Variants in COL25A1 observed in about 807,000 individuals in gnomAD.
The protein encoded by COL25A1 is collagen alpha-1(XXV) chain.
In COL25A1, 103 loss-of-function variants were observed where a neutral mutation model predicts 128.4. The ratio of observed to expected loss-of-function variants is 0.80; its 90% CI spans 0.68 to 0.94. The LOEUF (loss-of-function observed/expected upper bound fraction) is 0.94, where lower values mean the gene tolerates loss of function less well. Ranked by LOEUF, COL25A1 falls within the 40% of genes least tolerant of loss-of-function variation. The pLI is 0.00. For missense variants in COL25A1, 745 were observed against 840.0 expected, an observed-to-expected ratio of 0.89 and a Z score of 1.40; for synonymous variants, 279 against 277.2, an observed-to-expected ratio of 1.01 and a Z score of -0.06.
chr4:108,996,866 C>T (rs547532769), intron 6 of COL25A1, among the ~76,000 whole-genome samples: 47 of 152,332 alleles, frequency 3.1e-4, no homozygotes, highest in African/African-American at 1.1e-3. Context: ...CAACCTGCTC[C>T]TGAATGACTA....
intron 8 of COL25A1, among the ~76,000 whole-genome samples, chr4:108,960,967 T>C (rs1750614187): frequency 6.6e-6 from 1 of 152,098 alleles, no homozygotes. Flanking sequence ...TAATTTACAT[T>C]CTCTTTAATC....
chr4:108,938,819 T>C (rs1747740883), intron 10 of COL25A1, among the ~76,000 whole-genome samples: 1 of 152,066 alleles, frequency 6.6e-6, no homozygotes, highest in Non-Finnish European at 1.5e-5. Context: ...ATCACACCAC[T>C]GCTCTCCAGC....
intron 3 of COL25A1, among the ~76,000 whole-genome samples, chr4:109,106,705 A>G (rs1047845462): frequency 7.0e-6 from 1 of 142,058 alleles, no homozygotes; most frequent in African/African-American, 2.6e-5. Context: ...GCAGTATTTC[A>G]GCCCCACCAA....
intron 3 of COL25A1, among the ~76,000 whole-genome samples, chr4:109,211,885 A>G (rs944257862): frequency 6.6e-6 from 1 of 152,130 alleles, no homozygotes; most frequent in African/African-American, 2.4e-5. Context: ...CAATGCCTCG[A>G]CCTGAAGAAT....
intron 3 of COL25A1, among the ~76,000 whole-genome samples, chr4:109,160,279 T>C (rs1271710908): frequency 1.3e-5 from 2 of 152,314 alleles, no homozygotes; most frequent in African/African-American, 2.4e-5. Context: ...CAATCACTCC[T>C]TAAAGTTGAA....
At chr4:108,844,598 T>TG (rs753149749) in intron 29 of COL25A1, 29 bp from the exon 30 acceptor site, 1 of 1,603,766 alleles carries the variant, frequency 6.2e-7, no homozygotes, top group South Asian at 1.1e-5. Flanking sequence ...AAAATGTATT[T>TG]GGTTACTTCA....
chr4:108,946,822 T>C (rs1291706018), intron 8 of COL25A1, among the ~76,000 whole-genome samples: 5 of 152,166 alleles, frequency 3.3e-5, no homozygotes, highest in African/African-American at 1.2e-4. Flanking sequence ...AAACTGAAGA[T>C]AGACCATTTA....
intron 6 of COL25A1, among the ~76,000 whole-genome samples, chr4:108,984,126 T>G (rs1029527195): frequency 7.2e-5 from 11 of 152,092 alleles, no homozygotes; most frequent in African/African-American, 2.7e-4. Flanking sequence ...CACACAAAGG[T>G]TCTTCAAGTC....
intron 28 of COL25A1, 43 bp downstream of exon 28, chr4:108,846,096 A>G (rs773369812): frequency 4.8e-6 from 6 of 1,239,172 alleles, no homozygotes; most frequent in Non-Finnish European, 7.1e-6. Context: ...CTTAATAAGA[A>G]CATAATATAA....
At chr4:109,048,030 C>A in intron 5 of COL25A1, 138 bp downstream of exon 5, 2 of 968,870 alleles carry the variant, frequency 2.1e-6, no homozygotes, top group Non-Finnish European at 3.1e-6. Flanking sequence ...CCGCGACTGA[C>A]CACTTTAAGT....
At chr4:109,000,089 CAT>C in intron 6 of COL25A1, among the ~76,000 whole-genome samples, 1 of 151,852 alleles carries the variant, frequency 6.6e-6, no homozygotes, top group Middle Eastern at 3.2e-3. Context: ...ACATTGTACA[CAT>C]GTGCCCTAGA....
chr4:108,958,210 A>G (rs1359926451), intron 8 of COL25A1, among the ~76,000 whole-genome samples: 4 of 152,112 alleles, frequency 2.6e-5, no homozygotes, highest in Admixed American at 2.6e-4. Flanking sequence ...TGTCAATACA[A>G]CCATAAGGGG....
At chr4:109,280,150 A>G (rs1417902437) in intron 3 of COL25A1, among the ~76,000 whole-genome samples, 2 of 152,212 alleles carry the variant, frequency 1.3e-5, no homozygotes, top group Non-Finnish European at 2.9e-5. Context: ...TGAAAATGAC[A>G]ACATGATTAA....
At chr4:109,108,119 T>G (rs948779081) in intron 3 of COL25A1, among the ~76,000 whole-genome samples, 2 of 152,184 alleles carry the variant, frequency 1.3e-5, no homozygotes, top group Non-Finnish European at 2.9e-5. Context: ...CATGTTGGTG[T>G]GCTGCACCCA....
chr4:109,221,699 A>T (rs1778423610), intron 3 of COL25A1, among the ~76,000 whole-genome samples: 1 of 152,140 alleles, frequency 6.6e-6, no homozygotes, highest in Non-Finnish European at 1.5e-5. Context: ...CAGTTAAGTG[A>T]CCCAATTTAC....
chr4:109,188,972 G>GT (rs1035980100), intron 3 of COL25A1, among the ~76,000 whole-genome samples: 17 of 151,978 alleles, frequency 1.1e-4, no homozygotes, highest in Non-Finnish European at 2.4e-4. Context: ...ACATCATACA[G>GT]TTTTTTAAAT....
intron 24 of COL25A1, among the ~76,000 whole-genome samples, chr4:108,859,067 TTAA>T (rs1736857863): frequency 6.6e-6 from 1 of 152,142 alleles, no homozygotes; most frequent in Non-Finnish European, 1.5e-5. Flanking sequence ...TATTGCTTAC[TTAA>T]TAAGAAGAAA....
At chr4:109,022,176 T>C (rs760456961) in intron 5 of COL25A1, 17 of 453,618 alleles carry the variant, frequency 3.7e-5, no homozygotes, top group African/African-American at 2.8e-4. Flanking sequence ...CCTGCCGATA[T>C]GTGATGTTGC....
At chr4:109,209,714 T>C (rs11733649) in intron 3 of COL25A1, among the ~76,000 whole-genome samples, 1 of 152,128 alleles carries the variant, frequency 6.6e-6, no homozygotes, top group Non-Finnish European at 1.5e-5. Flanking sequence ...GTCCCCACTG[T>C]TTACTACTGT....
Sources: gnomAD v4.1 joint callset for allele counts (sites outside exome capture counted in the v4.1 genomes callset) on GRCh38, gnomAD v4.1.1 for gene constraint, MANE v1.5 for transcripts, NCBI Gene and HGNC (gene_info 2026-07-23, HGNC 2026-07-21) for gene names.